Variants in WLS observed in about 807,000 individuals in gnomAD.
The protein encoded by WLS is protein wntless homolog.
Under a neutral mutation model 62.8 loss-of-function variants are expected in WLS, and 23 were observed. That is an observed-to-expected ratio of 0.37 (90% CI 0.26 to 0.52). WLS has a LOEUF of 0.52. Ranked by LOEUF, WLS falls within the 20% of genes least tolerant of loss-of-function variation. WLS has a pLI of 0.92. For missense variants in WLS, 615 were observed against 697.3 expected (o/e 0.88, Z 1.33); for synonymous variants, 246 against 244.1 (o/e 1.01, Z -0.07).
intron 11 of WLS, among the ~76,000 whole-genome samples, chr1:68,130,080 G>A (rs898856711): frequency 3.9e-5 from 6 of 152,122 alleles, no homozygotes; most frequent in Admixed American, 6.5e-5. Context: ...GTGTGTAAGC[G>A]GCTGCTTGGT....
intron 11 of WLS, among the ~76,000 whole-genome samples, chr1:68,136,697 A>G (rs935448217): frequency 2.3e-4 from 35 of 152,174 alleles, no homozygotes; most frequent in Admixed American, 1.5e-3. Flanking sequence ...CTGGATTCTA[A>G]TTGGGGTGAT....
At chr1:68,181,727 G>A (rs1312010731) in intron 2 of WLS, among the ~76,000 whole-genome samples, 2 of 152,162 alleles carry the variant, frequency 1.3e-5, no homozygotes, top group Non-Finnish European at 2.9e-5. Context: ...CACCGTGGGC[G>A]AGTACCACAG....
intron 1 of WLS, among the ~76,000 whole-genome samples, chr1:68,226,524 G>A (rs546642757): frequency 6.6e-6 from 1 of 152,032 alleles, no homozygotes; most frequent in Non-Finnish European, 1.5e-5. Flanking sequence ...TTAGTTGATG[G>A]TATAATTAGT....
intron 2 of WLS, among the ~76,000 whole-genome samples, chr1:68,164,369 C>T (rs1371044327): frequency 1.3e-5 from 2 of 151,986 alleles, no homozygotes; most frequent in African/African-American, 4.8e-5. Context: ...AGCAATTCTC[C>T]TGCCTCAGCC....
intron 1 of WLS, among the ~76,000 whole-genome samples, chr1:68,224,666 T>C (rs1364129542): frequency 6.6e-6 from 1 of 152,184 alleles, no homozygotes; most frequent in African/African-American, 2.4e-5. Context: ...GCAGTTCTTA[T>C]GTCTCAGGAG....
chr1:68,213,254 C>T (rs1391750810), intron 1 of WLS, among the ~76,000 whole-genome samples: 1 of 151,936 alleles, frequency 6.6e-6, no homozygotes, highest in African/African-American at 2.4e-5. Flanking sequence ...AGTTCAAGAC[C>T]AGCCTGGTCA....
At chr1:68,134,908 A>G (rs1646583341) in intron 11 of WLS, among the ~76,000 whole-genome samples, 1 of 152,184 alleles carries the variant, frequency 6.6e-6, no homozygotes. Context: ...TCAAATCTCA[A>G]GAATCTGTCC....
intron 11 of WLS, among the ~76,000 whole-genome samples, chr1:68,129,168 A>T (rs904045473): frequency 1.3e-5 from 2 of 152,040 alleles, no homozygotes; most frequent in African/African-American, 4.8e-5. Context: ...TACTAAAATT[A>T]AAAAAATTAA....
intron 11 of WLS, among the ~76,000 whole-genome samples, chr1:68,102,495 C>G (rs946842734): frequency 6.6e-6 from 1 of 152,120 alleles, no homozygotes; most frequent in African/African-American, 2.4e-5. Context: ...GCACCACAGA[C>G]TCAATTCTCC....
intron 11 of WLS, among the ~76,000 whole-genome samples, chr1:68,129,507 G>A (rs886129622): frequency 2.0e-5 from 3 of 152,172 alleles, no homozygotes; most frequent in East Asian, 3.9e-4. Context: ...TTCCTTGTAC[G>A]ATGTGAAGCT....
At chr1:68,101,310 T>C (rs1033973) in intron 11 of WLS, among the ~76,000 whole-genome samples, 58,313 of 151,796 alleles carry the variant, frequency 0.38, 13,179 homozygotes, top group Non-Finnish European at 0.52. Context: ...TATTTGCTAT[T>C]ATTATTATTA....
chr1:68,111,425 C>T (rs186736242), intron 11 of WLS, among the ~76,000 whole-genome samples: 110 of 152,290 alleles, frequency 7.2e-4, no homozygotes, highest in African/African-American at 2.5e-3. Context: ...GCCAAATCAC[C>T]GGGCCTGCTG....
In WLS at chr1:68,137,983, G is replaced by A. The variant is rs776580033; in HGVS notation, c.1363-50C>T. On this transcript the variant is annotated intron_variant, in intron 10 of 11. Coordinates refer to ENST00000262348, the MANE Select transcript of WLS (RefSeq NM_024911.7). The stretch of plus-strand genomic sequence containing the variant: ...CAATTGAAACAGAGAAGAAACAGAA[G>A]AAACATAACACCAATAAAGGAACCA... The A allele has an allele frequency of 1.8e-5, 29 of 1,605,354 alleles. No individual in the cohort carries two copies. The South Asian group carries it at 2.9e-4, about 16-fold the overall frequency.
At chr1:68,185,296 C>A (rs1270800769) in intron 2 of WLS, among the ~76,000 whole-genome samples, 2 of 152,180 alleles carry the variant, frequency 1.3e-5, no homozygotes, top group Non-Finnish European at 2.9e-5. Context: ...CAGAGGCTCA[C>A]AGAACTCAGG....
At chr1:68,117,640 G>A (rs1646309689) in intron 11 of WLS, 1 of 152,296 alleles carries the variant, frequency 6.6e-6, no homozygotes. Flanking sequence ...CGTGCCTGCA[G>A]CTCTCGTGTT....
In WLS at chr1:68,232,496, T is replaced by G; in HGVS notation, c.-197A>C. On this transcript the variant is annotated 5_prime_UTR_variant, in exon 1 of 12. Transcript: ENST00000262348. Reference sequence around the variant, plus strand: ...ATTCCCCCGGCGCAGCCGGCTCGGGTTCCCCCAATGCCCGGAGCTGTGATT... The same window carrying G: ...ATTCCCCCGGCGCAGCCGGCTCGGGGTCCCCCAATGCCCGGAGCTGTGATT... The G allele has an allele frequency of 8.6e-7, 1 of 1,164,002 alleles. No homozygotes were observed. The highest frequency in any genetic ancestry group is 1.1e-6 in the Non-Finnish European group (1 of 877,230). 72.1% of individuals were successfully genotyped at this position (1,164,002 alleles called of 1,614,324 possible). A position where few individuals can be genotyped will look rare whatever the true frequency, so the allele number is the denominator to read the frequency against.
chr1:68,178,705 C>CAAA (rs376126398), intron 2 of WLS, among the ~76,000 whole-genome samples: 5 of 108,232 alleles, frequency 4.6e-5, no homozygotes, highest in Admixed American at 9.9e-5. Context: ...GACTACATTT[C>CAAA]AAAAAAAAAA....
At chr1:68,187,028 G>A (rs137865072) in intron 2 of WLS, among the ~76,000 whole-genome samples, 1,783 of 151,442 alleles carry the variant, frequency 0.012, 38 homozygotes, top group African/African-American at 0.038. Flanking sequence ...TGGCTAACAC[G>A]GTGAAACCTC....
At chr1:68,162,192 C>A (rs991294957) in intron 2 of WLS, 39 of 1,433,228 alleles carry the variant, frequency 2.7e-5, no homozygotes, top group Middle Eastern at 2.3e-4. Context: ...TAAAGGGCTC[C>A]GACTCACGCA....
Sources: allele counts gnomAD v4.1 joint callset (sites outside exome capture counted in the v4.1 genomes callset), GRCh38; gene constraint gnomAD v4.1.1; transcripts MANE v1.5; gene names NCBI Gene and HGNC (gene_info 2026-07-23, HGNC 2026-07-21).